Variants in DLGAP2 observed in about 807,000 individuals in gnomAD.
DLGAP2 encodes the protein DLG associated protein 2.
Under a neutral mutation model 100.3 loss-of-function variants are expected in DLGAP2, and 26 were observed. The ratio of observed to expected loss-of-function variants is 0.26; its 90% CI spans 0.19 to 0.36. DLGAP2 has a LOEUF of 0.36. Among genes scored for constraint, DLGAP2 ranks in the 10% least tolerant of loss-of-function variants. DLGAP2 has a pLI of 1.00. For synonymous variants in DLGAP2, 886 were observed against 630.1 expected (o/e 1.41, Z -6.08); for missense variants, 1,858 against 1,453.2 (o/e 1.28, Z -4.53).
intron 6 of DLGAP2, among the ~76,000 whole-genome samples, chr8:1,612,437 C>G (rs1797010603): frequency 1.4e-5 from 2 of 138,688 alleles, no homozygotes; most frequent in South Asian, 5.2e-4. Context: ...CCATAAAAAC[C>G]CTAGAAGAAA....
chr8:1,532,570 A>T (rs1381760863), intron 4 of DLGAP2, among the ~76,000 whole-genome samples: 1 of 152,204 alleles, frequency 6.6e-6, no homozygotes, highest in Non-Finnish European at 1.5e-5. Context: ...TCAGAAGGTC[A>T]CACTAACTGA....
chr8:781,920 C>G lies in DLGAP2; in HGVS notation c.18+44095C>G, dbSNP rs1821698353. On this transcript the variant is annotated intron_variant, in intron 1 of 14. Transcript: ENST00000637795. ...GAGATAGGATAATACCACTGCTATT[C>G]AAAACTGGGAGCTGGGGGGATGGAG... is the stretch of plus-strand genomic sequence containing the variant. Among the ~76,000 whole-genome samples the G allele has an allele frequency of 2.0e-5, 3 of 152,036 alleles. No individual in the cohort carries two copies. In the South Asian group the frequency reaches 6.2e-4, roughly 32 times the overall value.
chr8:1,607,997 A>G (rs1796866350), intron 6 of DLGAP2, among the ~76,000 whole-genome samples: 1 of 130,502 alleles, frequency 7.7e-6, no homozygotes, highest in Non-Finnish European at 1.7e-5. Context: ...TTGCTTAGGT[A>G]AACAAAGCAG....
At chr8:1,631,022 C>G (rs1034597193) in intron 7 of DLGAP2, among the ~76,000 whole-genome samples, 16 of 150,730 alleles carry the variant, frequency 1.1e-4, no homozygotes, top group African/African-American at 3.4e-4. Flanking sequence ...TCCGGGTGTC[C>G]CGAGGGTCTG....
chr8:1,521,956 C>G (rs567063422), intron 4 of DLGAP2, among the ~76,000 whole-genome samples: 3 of 133,012 alleles, frequency 2.3e-5, no homozygotes, highest in African/African-American at 9.3e-5. Context: ...TTGGAATACT[C>G]GGCAGCTGAT....
chr8:913,695 A>G (rs1465271852), intron 2 of DLGAP2, among the ~76,000 whole-genome samples: 1 of 152,230 alleles, frequency 6.6e-6, no homozygotes, highest in Non-Finnish European at 1.5e-5. Flanking sequence ...TGCAGAAGAG[A>G]AAACAGATCC....
At chr8:1,315,936 C>G (rs1323792592) in intron 3 of DLGAP2, among the ~76,000 whole-genome samples, 5 of 135,996 alleles carry the variant, frequency 3.7e-5, no homozygotes, top group Admixed American at 3.1e-4. Flanking sequence ...AGTGCAGCCT[C>G]TCTCCAACAG....
intron 12 of DLGAP2, among the ~76,000 whole-genome samples, chr8:1,681,196 G>C (rs1418004122): frequency 6.6e-6 from 1 of 152,158 alleles, no homozygotes; most frequent in Non-Finnish European, 1.5e-5. Flanking sequence ...TCTTTGGAAG[G>C]TGTAAGACAT....
At chr8:1,651,965 G>A (rs1205199732) in intron 8 of DLGAP2, among the ~76,000 whole-genome samples, 1 of 152,210 alleles carries the variant, frequency 6.6e-6, no homozygotes, top group Non-Finnish European at 1.5e-5. Flanking sequence ...GGGCTGGGCA[G>A]GCAGCCTGCC....
Position 1,609,580 on chromosome 8 carries a change from G to C in DLGAP2, c.1443-17160G>C, listed in dbSNP as rs1201255480. On this transcript the variant is annotated intron_variant, in intron 6 of 14. Transcript: ENST00000637795. ...AATGGACTAAATGCTCCAATTAAAA[G>C]ACACAGACTGGCAAGTTGGATAAAG... 1.5e-5 allele frequency among the ~76,000 whole-genome samples: 2 copies of C among 130,926 alleles called. 1 individual carries two copies. The highest frequency in any genetic ancestry group is 3.4e-5 in the Non-Finnish European group (2 of 59,500). 85.9% of individuals were successfully genotyped at this position (130,926 alleles called of 152,430 possible).
chr8:1,537,617 C>T (rs1178412060), intron 4 of DLGAP2, among the ~76,000 whole-genome samples: 1 of 152,084 alleles, frequency 6.6e-6, no homozygotes, highest in Non-Finnish European at 1.5e-5. Flanking sequence ...CCATCCTGCT[C>T]ATCTCTCTAT....
At chr8:1,065,107 G>A (rs1040480324) in intron 2 of DLGAP2, among the ~76,000 whole-genome samples, 5 of 152,152 alleles carry the variant, frequency 3.3e-5, no homozygotes, top group Admixed American at 6.5e-5. Context: ...ACGCACCAGG[G>A]CGCCTGCCTT....
chr8:1,043,620 A>T (rs1467756231), intron 2 of DLGAP2, among the ~76,000 whole-genome samples: 1 of 151,668 alleles, frequency 6.6e-6, no homozygotes, highest in Non-Finnish European at 1.5e-5. Context: ...TGCAGTGGGG[A>T]AGGGGGATGA....
At chr8:762,577 T>C (rs1409402409) in intron 1 of DLGAP2, among the ~76,000 whole-genome samples, 4 of 152,090 alleles carry the variant, frequency 2.6e-5, no homozygotes, top group African/African-American at 7.2e-5. Context: ...GCAGAGCTCT[T>C]CTGCTTGCCA....
intron 2 of DLGAP2, among the ~76,000 whole-genome samples, chr8:923,547 A>G (rs1798756647): frequency 6.6e-6 from 1 of 152,238 alleles, no homozygotes; most frequent in Non-Finnish European, 1.5e-5. Flanking sequence ...ACTAGTTAGG[A>G]TATTCGCTAA....
At chr8:1,463,583 C>T (rs1798522070) in intron 3 of DLGAP2, among the ~76,000 whole-genome samples, 1 of 152,238 alleles carries the variant, frequency 6.6e-6, no homozygotes, top group African/African-American at 2.4e-5. Context: ...GTTGAGGGGT[C>T]CAGTGGTTTA....
chr8:1,159,858 T>C (rs1357081086), intron 2 of DLGAP2, among the ~76,000 whole-genome samples: 1 of 152,220 alleles, frequency 6.6e-6, no homozygotes, highest in African/African-American at 2.4e-5. Context: ...CAGGGGTGTC[T>C]GTCTACAGGC....
At chr8:1,652,920 G>A (rs1175431391) in intron 8 of DLGAP2, among the ~76,000 whole-genome samples, 1 of 152,142 alleles carries the variant, frequency 6.6e-6, no homozygotes, top group Non-Finnish European at 1.5e-5. Context: ...GACTCATTGT[G>A]CAATTATCTT....
chr8:774,988 A>G (rs946398421), intron 1 of DLGAP2, among the ~76,000 whole-genome samples: 1 of 151,700 alleles, frequency 6.6e-6, no homozygotes, highest in African/African-American at 2.4e-5. Context: ...TGAGCATGGA[A>G]TGTTCTTCCA....
Sources: gnomAD v4.1 joint callset for allele counts (sites outside exome capture counted in the v4.1 genomes callset) on GRCh38, gnomAD v4.1.1 for gene constraint, MANE v1.5 for transcripts, NCBI Gene and HGNC (gene_info 2026-07-23, HGNC 2026-07-21) for gene names.